CSF3R: variants seen among roughly 807,000 people sequenced by gnomAD.
The protein encoded by CSF3R is colony stimulating factor 3 receptor.
In CSF3R, 52 loss-of-function variants were observed where a neutral mutation model predicts 84.4. That is an observed-to-expected ratio of 0.62 (90% CI 0.49 to 0.78). CSF3R has a LOEUF of 0.78. Among genes scored for constraint, CSF3R ranks in the 30% least tolerant of loss-of-function variants. CSF3R has a pLI of 0.00. For missense variants in CSF3R, 890 were observed against 1,055.7 expected, an observed-to-expected ratio of 0.84 and a Z score of 2.17; for synonymous variants, 384 against 429.1, an observed-to-expected ratio of 0.89 and a Z score of 1.30.
chr1:36,471,966 C>T (rs542160508), intron 9 of CSF3R, 100 bp downstream of exon 9: 25 of 1,202,208 alleles, frequency 2.1e-5, no homozygotes, highest in Admixed American at 1.8e-4. Flanking sequence ...AATGCGTCCA[C>T]GCCTCCCAGA....
chr1:36,470,898 AGGCACTT>A (rs1650672678), intron 10 of CSF3R, among the ~76,000 whole-genome samples: 1 of 152,194 alleles, frequency 6.6e-6, no homozygotes, highest in African/African-American at 2.4e-5. Flanking sequence ...ACTTTGTGCC[AGGCACTT>A]GTCTTAACTC....
Position 36,475,522 on chromosome 1 carries a change from C to G in CSF3R, c.216G>C (p.Gly72=), listed in dbSNP as rs1456951338. The G allele has an allele frequency of 1.9e-6, 3 of 1,613,856 alleles. No individual in the cohort carries two copies. The highest frequency in any genetic ancestry group is 1.3e-5 in the African/African-American group (1 of 74,908). The part of the protein sequence containing the change: ...LWRLGAELQP[G]GRQQRLSDGT... The stretch of plus-strand genomic sequence containing the variant: ...CATCAGACAGACGCTGCTGCCTGCC[C>G]CCGGGCTGAAGCTCTGCTCCCAGTC... Residue 72 remains glycine, a synonymous_variant, in exon 4 of 17, where the codon GGG becomes GGC. Coordinates refer to ENST00000373106, the MANE Select transcript of CSF3R (RefSeq NM_000760.4).
Position 36,466,374 on chromosome 1 carries a change from C to T in CSF3R, c.2494G>A (p.Ala832Thr). 6.2e-7 allele frequency: 1 copy of T among 1,613,056 alleles called. No individual in the cohort carries two copies. Among genetic ancestry groups the T allele is most frequent in the Non-Finnish European group, 8.5e-7 (1 of 1,179,988 alleles). ...AGGAAGCCCTAGAAGCTCCCCAGCG[C>T]CTCCATCCCATGGACCCGGATCCCC... Reference protein sequence around the residue: ...LQGIRVHGMEALGSF With the variant: ...LQGIRVHGMETLGSF The change falls in exon 17 of 17, where the codon GCG becomes ACG. Residue 832 changes from alanine (A) to threonine (T), a missense_variant. Ala to Thr is a moderately conservative substitution (Grantham distance 58). Transcript: ENST00000373106. The surrounding 1 kb of genome is among the most constrained non-coding windows in gnomAD (Gnocchi z 4.6).
chr1:36,472,368 G>A lies in CSF3R; in HGVS notation c.867C>T (p.Ala289=), dbSNP rs1201684571. Residue 289 remains alanine, a synonymous_variant, in exon 8 of 17, where the codon GCC becomes GCT. Coordinates refer to ENST00000373106, the MANE Select transcript of CSF3R (RefSeq NM_000760.4). This position sits in a 1 kb window ranked among gnomAD's most constrained non-coding sequence, Gnocchi z 5.0. ...WALVGPLPLE[A]LQYELCGLLP... ...GGAGCCCGCAGAGCTCATACTGAAG[G>A]GCCTCCAAGGGGAGGGGGCCCACCT... The A allele has an allele frequency of 6.2e-7, 1 of 1,613,978 alleles. No individual in the cohort carries two copies. Among genetic ancestry groups the A allele is most frequent in the Admixed American group, 1.7e-5 (1 of 60,004 alleles).
Position 36,467,587 on chromosome 1 carries a change from A to G in CSF3R, c.1929T>C (p.Cys643=), listed in dbSNP as rs1034487400. ...FGLLLLLTCL[C]GTAWLCCSPN... ...GGCTGCAACAGAGCCAGGCAGTTCC[A>G]CAGAGGCAGGTGAGCAACAGCAGGA... Residue 643 remains cysteine (C), a synonymous_variant, in exon 15 of 17, where the codon TGT becomes TGC. Coordinates refer to ENST00000373106, the MANE Select transcript of CSF3R (RefSeq NM_000760.4). The surrounding 1 kb of genome is among the most constrained non-coding windows in gnomAD (Gnocchi z 4.1). 1 of 1,614,168 alleles carries G rather than the reference A, an allele frequency of 6.2e-7. No individual in the cohort carries two copies. The highest frequency in any genetic ancestry group is 8.5e-7 in the Non-Finnish European group (1 of 1,180,016).
intron 10 of CSF3R, 94 bp from the exon 11 acceptor site, chr1:36,469,934 C>T: frequency 1.5e-6 from 2 of 1,375,934 alleles, no homozygotes; most frequent in Non-Finnish European, 2.0e-6. Context: ...TTGCTATTTA[C>T]AGGCTGGGTG....
intron 3 of CSF3R, among the ~76,000 whole-genome samples, chr1:36,476,671 C>CT (rs928425501): frequency 6.9e-6 from 1 of 145,174 alleles, no homozygotes; most frequent in African/African-American, 2.6e-5. Flanking sequence ...TTTTTCTTTT[C>CT]TTTTTTTTCT....
intron 6 of CSF3R, chr1:36,473,116 C>T (rs1303418353): frequency 9.5e-6 from 4 of 422,266 alleles, no homozygotes; most frequent in Non-Finnish European, 1.7e-5. Flanking sequence ...CCACTTGAAT[C>T]TAACATTCTG....
intron 3 of CSF3R, among the ~76,000 whole-genome samples, chr1:36,478,270 T>C (rs1651290601): frequency 6.6e-6 from 1 of 151,774 alleles, no homozygotes; most frequent in Non-Finnish European, 1.5e-5. Context: ...GGTTCATGCC[T>C]GTAATCCCAG....
intron 3 of CSF3R, chr1:36,476,101 T>C (rs146367773): frequency 0.017 from 2,861 of 170,954 alleles, 34 homozygotes; most frequent in Middle Eastern, 0.039. Context: ...GTGCAAGCAG[T>C]GATTAGAGTG....
intron 6 of CSF3R, chr1:36,473,054 T>C (rs1188545133): frequency 2.5e-6 from 1 of 399,322 alleles, no homozygotes; most frequent in Non-Finnish European, 4.5e-6. Flanking sequence ...TCTCCTCCTT[T>C]AATTTCTCCT....
Position 36,472,891 on chromosome 1 carries a change from T to G in CSF3R, c.674-205A>C, listed in dbSNP as rs1650866728. 1.7e-6 allele frequency: 1 copy of G among 604,390 alleles called. No homozygotes were observed. The highest frequency in any genetic ancestry group is 3.6e-5 in the Admixed American group (1 of 27,586). 37.4% of individuals were successfully genotyped at this position (604,390 alleles called of 1,614,324 possible). A position where few individuals can be genotyped will look rare whatever the true frequency, so the allele number is the denominator to read the frequency against. On this transcript the variant is annotated intron_variant, in intron 6 of 16. Coordinates refer to ENST00000373106, the MANE Select transcript of CSF3R (RefSeq NM_000760.4). This position sits in a 1 kb window ranked among gnomAD's most constrained non-coding sequence, Gnocchi z 5.0. Reference sequence around the variant, plus strand: ...CAGGGCCTTTGCACTGGTTGTTACTTCTGCTTGAAATGTTTTCCCTCCAGA... The same window carrying G: ...CAGGGCCTTTGCACTGGTTGTTACTGCTGCTTGAAATGTTTTCCCTCCAGA...
chr1:36,479,374 C>G, intron 3 of CSF3R, 59 bp downstream of exon 3: 1 of 1,524,060 alleles, frequency 6.6e-7, no homozygotes, highest in Non-Finnish European at 9.1e-7. Flanking sequence ...AGGAAATTCC[C>G]AATATCTCTC....
intron 4 of CSF3R, among the ~76,000 whole-genome samples, chr1:36,475,145 C>T (rs1481221882): frequency 1.3e-5 from 2 of 151,692 alleles, no homozygotes; most frequent in East Asian, 1.9e-4. Context: ...GCTGGGATTA[C>T]AGGCACCCGC....
chr1:36,473,715 C>T, intron 5 of CSF3R, 49 bp downstream of exon 5: 2 of 1,614,090 alleles, frequency 1.2e-6, no homozygotes, highest in Non-Finnish European at 1.7e-6. Flanking sequence ...TACCCATGCC[C>T]TACCCCAGAA....
In CSF3R at chr1:36,472,722, C is replaced by A; in HGVS notation, c.674-36G>T. The A allele has an allele frequency of 6.5e-7, 1 of 1,539,712 alleles. No individual in the cohort carries two copies. ...TGGGGCTGTCAGAAGGTCTCCCTATCCCACCCTAGAGGGCTCTGCCTTAGC... is the reference window on the plus strand; with the variant it reads ...TGGGGCTGTCAGAAGGTCTCCCTATACCACCCTAGAGGGCTCTGCCTTAGC... On this transcript the variant is annotated intron_variant, in intron 6 of 16. Transcript: ENST00000373106. The surrounding 1 kb of genome is among the most constrained non-coding windows in gnomAD (Gnocchi z 5.0).
In CSF3R at chr1:36,466,387, G is replaced by C; in HGVS notation, c.2481C>G (p.Val827=). ...LNFPLLQGIR[V]HGMEALGSF Reference sequence around the variant, plus strand: ...AGCTCCCCAGCGCCTCCATCCCATGGACCCGGATCCCCTGCAGGAGGGGGA... The same window carrying C: ...AGCTCCCCAGCGCCTCCATCCCATGCACCCGGATCCCCTGCAGGAGGGGGA... Residue 827 remains valine (V), a synonymous_variant, in exon 17 of 17, where the codon GTC becomes GTG. Coordinates refer to ENST00000373106, the MANE Select transcript of CSF3R (RefSeq NM_000760.4). This position sits in a 1 kb window ranked among gnomAD's most constrained non-coding sequence, Gnocchi z 4.6. 1 of 1,613,400 alleles carries C rather than the reference G, an allele frequency of 6.2e-7. No homozygotes were observed. The highest frequency in any genetic ancestry group is 2.2e-5 in the East Asian group (1 of 44,878).
chr1:36,479,363 A>G (rs1651376213), intron 3 of CSF3R, 70 bp downstream of exon 3: 1 of 1,468,180 alleles, frequency 6.8e-7, no homozygotes, highest in Non-Finnish European at 9.5e-7. Context: ...GTGGCAGTGC[A>G]AGGAAATTCC....
In CSF3R at chr1:36,469,776, C is replaced by T. The variant is rs1360706478; in HGVS notation, c.1350G>A (p.Glu450=). The change falls in exon 11 of 17, where the codon GAG becomes GAA. Residue 450 remains glutamate, a synonymous_variant. Transcript: ENST00000373106. ...RDPHSLWVGW[E]PPNPWPQGYV... ...AGCCCTGAGGCCATGGATTGGGGGGCTCCCAGCCTACCCAGAGGCTGTGAG... is the reference window on the plus strand; with the variant it reads ...AGCCCTGAGGCCATGGATTGGGGGGTTCCCAGCCTACCCAGAGGCTGTGAG... 3.7e-6 allele frequency: 6 copies of T among 1,614,174 alleles called. No homozygotes were observed. The highest frequency in any genetic ancestry group is 5.1e-6 in the Non-Finnish European group (6 of 1,180,038).
Sources: gnomAD v4.1 joint callset for allele counts (sites outside exome capture counted in the v4.1 genomes callset) on GRCh38, gnomAD v4.1.1 for gene constraint, Gnocchi (gnomAD v3.1) non-coding constraint, MANE v1.5 for transcripts, NCBI Gene and HGNC (gene_info 2026-07-23, HGNC 2026-07-21) for gene names.